The following MAP6 variants were observed in gnomAD, a reference collection of about 807,000 sequenced individuals.
The protein encoded by MAP6 is microtubule-associated protein 6.
MAP6 carries 26 observed loss-of-function variants against 42.4 expected under a neutral mutation model. That is an observed-to-expected ratio of 0.61 (90% CI 0.45 to 0.85). MAP6 has a LOEUF of 0.85. MAP6 is among the 40% of genes least tolerant of loss of function. MAP6 has a pLI of 0.00. For synonymous variants in MAP6, 418 were observed against 443.8 expected (o/e 0.94, Z 0.73); for missense variants, 966 against 1,099.0 (o/e 0.88, Z 1.71).
At chr11:75,633,184 G>T (rs1943311641) in intron 1 of MAP6, among the ~76,000 whole-genome samples, 1 of 152,068 alleles carries the variant, frequency 6.6e-6, no homozygotes, top group Non-Finnish European at 1.5e-5. Context: ...ATTCCATTAA[G>T]TATATGCTCT....
intron 1 of MAP6, among the ~76,000 whole-genome samples, chr11:75,620,287 T>C (rs1943084922): frequency 6.6e-6 from 1 of 151,822 alleles, no homozygotes. Flanking sequence ...CCGGCCAACA[T>C]GGTGAAATCC....
At chr11:75,599,163 C>A (rs1565254873) in intron 3 of MAP6, 1 of 152,154 alleles carries the variant, frequency 6.6e-6, no homozygotes, top group African/African-American at 2.4e-5. Context: ...GTGGCAGTAA[C>A]TTTTAAAGCT....
intron 1 of MAP6, among the ~76,000 whole-genome samples, chr11:75,611,173 T>C (rs1942890087): frequency 6.6e-6 from 1 of 152,220 alleles, no homozygotes; most frequent in African/African-American, 2.4e-5. Flanking sequence ...AAGCCTTGCC[T>C]GTTAGATGGG....
chr11:75,654,009 T>C (rs1307244036), intron 1 of MAP6, among the ~76,000 whole-genome samples: 2 of 152,216 alleles, frequency 1.3e-5, no homozygotes, highest in Non-Finnish European at 2.9e-5. Flanking sequence ...TAAGCATCTA[T>C]TAAACACCAT....
rs1565276468 is a variant in MAP6, at chr11:75,647,346, T to TG, written c.905+20118_905+20119insC. ...GCTACTAAAAAAAAAACCCACCTGA[T>TG]CAAAAAAAAAAAAAAAAAAAACCCA... On this transcript the variant is annotated intron_variant, in intron 1 of 3. Coordinates refer to ENST00000304771, the MANE Select transcript of MAP6 (RefSeq NM_033063.2). Among the ~76,000 whole-genome samples the TG allele has an allele frequency of 9.8e-3, 73 of 7,436 alleles. 2 individuals carry two copies. The highest frequency in any genetic ancestry group is 0.083 in the Middle Eastern group (1 of 12). The allele number at this position is 7,436 out of a possible 152,430, so 4.9% of individuals were successfully genotyped here. A position where few individuals can be genotyped will look rare whatever the true frequency, so the allele number is the denominator to read the frequency against.
intron 3 of MAP6, chr11:75,593,958 A>G (rs1158998950): frequency 1.4e-5 from 2 of 146,104 alleles, no homozygotes; most frequent in South Asian, 2.3e-4. Flanking sequence ...TATCTACAAA[A>G]GGAAGATTAG....
intron 1 of MAP6, among the ~76,000 whole-genome samples, chr11:75,626,309 T>C (rs1308108985): frequency 6.6e-6 from 1 of 152,106 alleles, no homozygotes; most frequent in African/African-American, 2.4e-5. Flanking sequence ...TTTCATTTTA[T>C]AGCTAAGAAT....
chr11:75,655,138 A>G (rs1943723399), intron 1 of MAP6, among the ~76,000 whole-genome samples: 1 of 152,232 alleles, frequency 6.6e-6, no homozygotes, highest in African/African-American at 2.4e-5. Context: ...CATAGCCTAT[A>G]GTCCCAGCCT....
At position 75,605,850 on chromosome 11, in the gene MAP6, T is replaced by C; in HGVS notation, c.1274A>G (p.Glu425Gly). ...TTTATTGTTCATCTCTTTGCTTTGCTCCTTGTCGTCTGGCTTGGTGGTACT... is the reference window on the plus strand; with the variant it reads ...TTTATTGTTCATCTCTTTGCTTTGCCCCTTGTCGTCTGGCTTGGTGGTACT... The part of the protein sequence containing the change: ...GPSTTKPDDK[E>G]QSKEMNNKLA... The change falls in exon 3 of 4, where the codon GAG becomes GGG. Residue 425 changes from glutamate (E) to glycine (G), a missense_variant. Physicochemically the swap from Glu to Gly is moderately conservative, Grantham distance 98 (BLOSUM62 -2). This residue lies in a region of MAP6 where 943 missense variants were observed against 1,049.9 expected (regional missense o/e 0.90). Coordinates refer to ENST00000304771, the MANE Select transcript of MAP6 (RefSeq NM_033063.2). The C allele has an allele frequency of 1.2e-6, 2 of 1,614,200 alleles. No individual in the cohort carries two copies. The highest frequency in any genetic ancestry group is 1.7e-6 in the Non-Finnish European group (2 of 1,180,044).
At position 75,623,740 on chromosome 11, in the gene MAP6, C is replaced by T. The variant is rs565341705; in HGVS notation, c.906-15418G>A. Among the ~76,000 whole-genome samples, 19 of 152,300 alleles carry T rather than the reference C, an allele frequency of 1.2e-4. No individual in the cohort carries two copies. In the East Asian group the frequency reaches 3.1e-3, roughly 25 times the overall value. On this transcript the variant is annotated intron_variant, in intron 1 of 3. Transcript: ENST00000304771. ...TTACGTTTTTTTTGAGATGGAGTCT[C>T]GCTCTGTCGCCCAGGCTGGAGTGCA... is the stretch of plus-strand genomic sequence containing the variant.
intron 2 of MAP6, among the ~76,000 whole-genome samples, 194 bp downstream of exon 2, chr11:75,607,915 A>G (rs1227906520): frequency 6.6e-6 from 1 of 152,168 alleles, no homozygotes; most frequent in African/African-American, 2.4e-5. Context: ...GTTCCTCTTT[A>G]ATATTCCCTT....
chr11:75,591,395 G>T (rs1204147332), intron 3 of MAP6, among the ~76,000 whole-genome samples: 1 of 152,148 alleles, frequency 6.6e-6, no homozygotes, highest in Non-Finnish European at 1.5e-5. Flanking sequence ...GAAACTGCAC[G>T]CAAGGGCACC....
intron 1 of MAP6, among the ~76,000 whole-genome samples, chr11:75,630,995 A>C (rs1943276162): frequency 6.6e-6 from 1 of 152,210 alleles, no homozygotes. Context: ...ATACTTTGAA[A>C]AACACCACTT....
rs368925222 is a variant in MAP6 at position 75,588,149 on chromosome 11, G to A, written c.1352C>T (p.Thr451Ile). The A allele has an allele frequency of 3.8e-5, 62 of 1,613,328 alleles. No homozygotes were observed. The highest frequency in any genetic ancestry group is 4.7e-5 in the Non-Finnish European group (56 of 1,179,874). Residue 451 changes from threonine (T) to isoleucine (I), a missense_variant, in exon 4 of 4, where the codon ACT becomes ATT. Physicochemically the swap from Thr to Ile is moderately conservative, Grantham distance 89. This residue lies in a region of MAP6 where 943 missense variants were observed against 1,049.9 expected (regional missense o/e 0.90). Coordinates refer to ENST00000304771, the MANE Select transcript of MAP6 (RefSeq NM_033063.2). ...TGGCTCTGTGGCTACAGGACCTTGA[G>A]TCTTACTTGAATCACTGACGGGTTG... ...LAQPVSDSSKTQGPVATEPDK... is the reference protein window; with the variant it reads ...LAQPVSDSSKIQGPVATEPDK...
chr11:75,668,476 G>A lies in MAP6; in HGVS notation c.-107C>T. The A allele has an allele frequency of 7.2e-7, 1 of 1,383,256 alleles. No homozygotes were observed. The highest frequency in any genetic ancestry group is 9.4e-7 in the Non-Finnish European group (1 of 1,066,300). 85.7% of individuals were successfully genotyped at this position (1,383,256 alleles called of 1,614,324 possible). On this transcript the variant is annotated 5_prime_UTR_variant, in exon 1 of 4. In the 5' UTR this introduces an upstream ATG that the reference lacks. Coordinates refer to ENST00000304771, the MANE Select transcript of MAP6 (RefSeq NM_033063.2). The stretch of plus-strand genomic sequence containing the variant: ...CTGACCGGCCAATGTGGTTCCCACC[G>A]TTTTCTACCCCCGATCAGCCGGAGC...
chr11:75,614,901 C>G (rs1406940989), intron 1 of MAP6, among the ~76,000 whole-genome samples: 1 of 152,200 alleles, frequency 6.6e-6, no homozygotes, highest in Non-Finnish European at 1.5e-5. Flanking sequence ...AAGTTTCCAG[C>G]AGAGCTGCAG....
chr11:75,623,335 G>T (rs1590780186), intron 1 of MAP6, among the ~76,000 whole-genome samples: 1 of 152,294 alleles, frequency 6.6e-6, no homozygotes, highest in Middle Eastern at 3.4e-3. Flanking sequence ...GAGGGAGGAT[G>T]CTAAAACTGT....
chr11:75,604,976 C>T, intron 3 of MAP6: 1 of 985,468 alleles, frequency 1.0e-6, no homozygotes, highest in Non-Finnish European at 1.2e-6. Context: ...GAACTTTCTT[C>T]CTCAGACATC....
chr11:75,605,958 G>A lies in MAP6; in HGVS notation c.1166C>T (p.Ala389Val), dbSNP rs749831967. 16 of 1,598,710 alleles carry A rather than the reference G, an allele frequency of 1.0e-5. No homozygotes were observed. Among genetic ancestry groups the A allele is most frequent in the African/African-American group, 1.3e-5 (1 of 74,102 alleles). Residue 389 changes from alanine (A) to valine (V), a missense_variant, in exon 3 of 4, where the codon GCG (alanine) becomes GTG (valine). Transcript: ENST00000304771. ...GGCCTTCCTCGTGGGCTTATGGCTC[G>A]CTGAGGTCTTTTTTGGTTTGGAACT... The part of the protein sequence containing the change: ...VQSSKPKKTS[A>V]SHKPTRKAKD...
Sources: allele counts gnomAD v4.1 joint callset (sites outside exome capture counted in the v4.1 genomes callset), GRCh38; gene constraint gnomAD v4.1.1; regional missense constraint gnomAD v4.1.1; transcripts MANE v1.5; gene names NCBI Gene and HGNC (gene_info 2026-07-23, HGNC 2026-07-21).